The following NR3C2 variants were observed in gnomAD, a reference collection of about 807,000 sequenced individuals.
NR3C2 encodes the protein nuclear receptor subfamily 3 group C member 2, also known as mineralocorticoid receptor.
In NR3C2, 15 loss-of-function variants were observed where a neutral mutation model predicts 86.4. The observed-to-expected ratio is 0.17, with a 90% CI of 0.12 to 0.27. The LOEUF (loss-of-function observed/expected upper bound fraction) is 0.27, where lower values mean the gene tolerates loss of function less well. Ranked by LOEUF, NR3C2 falls within the 10% of genes least tolerant of loss-of-function variation. The pLI is 1.00. For synonymous variants in NR3C2, 458 were observed against 450.5 expected (o/e 1.02, Z -0.21); for missense variants, 960 against 1,195.6 (o/e 0.80, Z 2.91).
intron 2 of NR3C2, among the ~76,000 whole-genome samples, chr4:148,325,120 G>C (rs1198392931): frequency 7.0e-6 from 1 of 142,708 alleles, no homozygotes; most frequent in African/African-American, 2.9e-5. Flanking sequence ...CAGAGAGAGA[G>C]AGAGGGAGAG....
chr4:148,315,865 T>C (rs1305710416), intron 2 of NR3C2, among the ~76,000 whole-genome samples: 1 of 152,192 alleles, frequency 6.6e-6, no homozygotes, highest in Non-Finnish European at 1.5e-5. Flanking sequence ...ATGCTGACAG[T>C]AATGTAAATT....
At chr4:148,142,617 C>G (rs1733667093) in intron 6 of NR3C2, among the ~76,000 whole-genome samples, 1 of 152,168 alleles carries the variant, frequency 6.6e-6, no homozygotes, top group Admixed American at 6.5e-5. Flanking sequence ...ACCTCAGCCT[C>G]CTGAGTAGCT....
intron 2 of NR3C2, among the ~76,000 whole-genome samples, chr4:148,300,890 T>A (rs1037327956): frequency 3.7e-4 from 56 of 152,172 alleles, no homozygotes; most frequent in African/African-American, 1.3e-3. Context: ...TCACTCTTAA[T>A]GCACGAATGA....
chr4:148,198,285 A>G (rs1290812176), intron 3 of NR3C2, among the ~76,000 whole-genome samples: 1 of 152,190 alleles, frequency 6.6e-6, no homozygotes, highest in Non-Finnish European at 1.5e-5. Flanking sequence ...TAATCTCATT[A>G]TTTTAAAAGT....
At chr4:148,424,870 T>C (rs1169896138) in intron 2 of NR3C2, among the ~76,000 whole-genome samples, 1 of 152,172 alleles carries the variant, frequency 6.6e-6, no homozygotes, top group Non-Finnish European at 1.5e-5. Context: ...ACAAAACATG[T>C]AGAACTGAAC....
intron 2 of NR3C2, among the ~76,000 whole-genome samples, chr4:148,264,392 CCTT>C (rs1425140174): frequency 1.3e-5 from 2 of 152,180 alleles, no homozygotes; most frequent in Non-Finnish European, 2.9e-5. Context: ...CTTGAACTCA[CCTT>C]CTTCTTAGAC....
intron 8 of NR3C2, among the ~76,000 whole-genome samples, chr4:148,087,197 A>G (rs1462991450): frequency 6.6e-6 from 1 of 152,234 alleles, no homozygotes; most frequent in African/African-American, 2.4e-5. Context: ...ATAACTAGGA[A>G]TACAACATAC....
intron 3 of NR3C2, among the ~76,000 whole-genome samples, chr4:148,219,148 T>A (rs1321838932): frequency 6.6e-6 from 1 of 152,248 alleles, no homozygotes; most frequent in Non-Finnish European, 1.5e-5. Context: ...ATTGTTATTG[T>A]AGCCTCTTAG....
intron 2 of NR3C2, among the ~76,000 whole-genome samples, chr4:148,262,891 T>C (rs1453186365): frequency 2.6e-5 from 4 of 152,264 alleles, no homozygotes; most frequent in African/African-American, 9.6e-5. Flanking sequence ...ATTCGTTTTA[T>C]CCACAGAACA....
At chr4:148,082,868 C>T (rs920898036) in intron 8 of NR3C2, among the ~76,000 whole-genome samples, 1 of 152,064 alleles carries the variant, frequency 6.6e-6, no homozygotes, top group Non-Finnish European at 1.5e-5. Context: ...ACCCGGGATG[C>T]TCGAGCTTGG....
intron 4 of NR3C2, among the ~76,000 whole-genome samples, chr4:148,182,610 T>G (rs1735695641): frequency 6.6e-6 from 1 of 152,220 alleles, no homozygotes; most frequent in Non-Finnish European, 1.5e-5. Context: ...ATTATGTGAA[T>G]TTTGTATCAC....
intron 3 of NR3C2, among the ~76,000 whole-genome samples, chr4:148,233,838 G>C (rs1295111598): frequency 2.8e-4 from 43 of 151,970 alleles, no homozygotes; most frequent in Non-Finnish European, 2.9e-5. Context: ...CACTATAACA[G>C]ATATAATAAT....
intron 3 of NR3C2, among the ~76,000 whole-genome samples, chr4:148,199,457 G>A (rs1230304868): frequency 1.3e-5 from 2 of 151,960 alleles, no homozygotes; most frequent in Non-Finnish European, 2.9e-5. Context: ...TATTTCTCTC[G>A]CTATCTCTTT....
At position 148,412,821 on chromosome 4, in the gene NR3C2, G is replaced by GCGCACA. The variant is rs1553940179; in HGVS notation, c.1757+22282_1757+22283insTGTGCG. 8.6e-5 allele frequency among the ~76,000 whole-genome samples: 10 copies of GCGCACA among 115,954 alleles called. No individual in the cohort carries two copies. The South Asian group carries it at 1.4e-3, about 16-fold the overall frequency. The allele number at this position is 115,954 out of a possible 152,430, so 76.1% of individuals were successfully genotyped here. On this transcript the variant is annotated intron_variant, in intron 2 of 8. Coordinates refer to ENST00000358102, the MANE Select transcript of NR3C2 (RefSeq NM_000901.5). ...CGTGCATACACAGGTGCACATGTGC[G>GCGCACA]CACACACACACACACACACACCCCT...
At chr4:148,400,273 C>G (rs1748077123) in intron 2 of NR3C2, among the ~76,000 whole-genome samples, 1 of 152,170 alleles carries the variant, frequency 6.6e-6, no homozygotes, top group African/African-American at 2.4e-5. Flanking sequence ...GGGTTGGAAA[C>G]ACAATTAGAC....
intron 3 of NR3C2, among the ~76,000 whole-genome samples, chr4:148,232,477 A>G (rs1560991095): frequency 6.6e-6 from 1 of 152,238 alleles, no homozygotes. Context: ...AATATTCAGT[A>G]TACCATGCTG....
intron 2 of NR3C2, among the ~76,000 whole-genome samples, chr4:148,290,656 C>T (rs1741754136): frequency 6.6e-6 from 1 of 152,196 alleles, no homozygotes; most frequent in Admixed American, 6.5e-5. Flanking sequence ...CTTTTGAAGG[C>T]ATATATACCT....
chr4:148,239,306 C>G (rs1217008944), intron 3 of NR3C2, among the ~76,000 whole-genome samples: 1 of 152,154 alleles, frequency 6.6e-6, no homozygotes, highest in East Asian at 1.9e-4. Flanking sequence ...AGGCCAGGGT[C>G]CCAGTCTGTA....
chr4:148,219,122 C>A (rs1251811650), intron 3 of NR3C2, among the ~76,000 whole-genome samples: 1 of 152,132 alleles, frequency 6.6e-6, no homozygotes, highest in Non-Finnish European at 1.5e-5. Context: ...AAACTTAGTA[C>A]TGTTGTTTAA....
Sources: gnomAD v4.1 joint callset for allele counts (sites outside exome capture counted in the v4.1 genomes callset) on GRCh38, gnomAD v4.1.1 for gene constraint, MANE v1.5 for transcripts, NCBI Gene and HGNC (gene_info 2026-07-23, HGNC 2026-07-21) for gene names.